Variants in EXOC4 observed in about 807,000 individuals in gnomAD.
EXOC4 encodes the protein exocyst complex component 4, also known as SEC8-like 1.
A neutral mutation model predicts 107.2 loss-of-function variants in EXOC4; 71 were observed. That is an observed-to-expected ratio of 0.66 (90% CI 0.55 to 0.81). EXOC4 has a LOEUF of 0.81. Among genes scored for constraint, EXOC4 ranks in the 30% least tolerant of loss-of-function variants. The pLI is 0.00. For synonymous variants in EXOC4, 456 were observed against 441.2 expected (o/e 1.03, Z -0.42); for missense variants, 1,108 against 1,189.6 (o/e 0.93, Z 1.01).
At chr7:133,371,253 T>G (rs1291404072) in intron 6 of EXOC4, among the ~76,000 whole-genome samples, 5 of 152,316 alleles carry the variant, frequency 3.3e-5, no homozygotes, top group African/African-American at 1.2e-4. Flanking sequence ...TGAGGTATAA[T>G]TCACTGCTGC....
intron 5 of EXOC4, among the ~76,000 whole-genome samples, chr7:133,342,604 C>T (rs941518726): frequency 3.3e-5 from 5 of 152,130 alleles, no homozygotes; most frequent in African/African-American, 9.7e-5. Context: ...TTGATTATTC[C>T]CTCAAGTAAG....
intron 7 of EXOC4, among the ~76,000 whole-genome samples, chr7:133,384,107 C>G (rs1367076538): frequency 6.6e-6 from 1 of 152,180 alleles, no homozygotes; most frequent in Non-Finnish European, 1.5e-5. Context: ...CCTCTGGCTT[C>G]TAGTACAGAC....
intron 10 of EXOC4, among the ~76,000 whole-genome samples, chr7:133,809,108 T>G (rs1451124490): frequency 2.6e-5 from 4 of 152,232 alleles, no homozygotes; most frequent in Non-Finnish European, 4.4e-5. Flanking sequence ...GTATCATTCA[T>G]GCTACAGGCT....
At chr7:133,657,686 G>A (rs752550752) in intron 10 of EXOC4, among the ~76,000 whole-genome samples, 1 of 152,142 alleles carries the variant, frequency 6.6e-6, no homozygotes, top group Admixed American at 6.6e-5. Flanking sequence ...GGAGATACAG[G>A]TTCTCTGTGC....
chr7:133,423,569 T>C (rs1797652154), intron 7 of EXOC4, among the ~76,000 whole-genome samples: 1 of 152,176 alleles, frequency 6.6e-6, no homozygotes, highest in South Asian at 2.1e-4. Flanking sequence ...GTGATTAGCT[T>C]ATTATTATTA....
At chr7:133,881,884 A>C (rs1472458271) in intron 11 of EXOC4, among the ~76,000 whole-genome samples, 1 of 152,196 alleles carries the variant, frequency 6.6e-6, no homozygotes, top group Non-Finnish European at 1.5e-5. Flanking sequence ...TTGTATTCTT[A>C]AAGGTTTTCA....
rs190592044 is a variant in EXOC4, at chr7:133,815,222, T to C, written c.1515-2103T>C. ...GGCAAAACTCCATCCCTACTAAAAA[T>C]AGAAAAAAATTAGCTGGGCGTGGTG... On this transcript the variant is annotated intron_variant, in intron 10 of 17. Coordinates refer to ENST00000253861, the MANE Select transcript of EXOC4 (RefSeq NM_021807.4). Among the ~76,000 whole-genome samples, 22 of 151,540 alleles carry C rather than the reference T, an allele frequency of 1.5e-4. No homozygotes were observed. The East Asian group carries it at 3.9e-3, about 27-fold the overall frequency.
chr7:133,516,758 A>ATTTTTTTTTTTATTTTTT (rs1799883388), intron 9 of EXOC4, among the ~76,000 whole-genome samples: 1 of 49,032 alleles, frequency 2.0e-5, no homozygotes, highest in Non-Finnish European at 3.9e-5. Flanking sequence ...CTAGCTGCTC[A>ATTTTTTTTTTTATTTTTT]TTTTTTTTTT....
At chr7:133,719,529 A>G (rs1355989245) in intron 10 of EXOC4, among the ~76,000 whole-genome samples, 1 of 151,758 alleles carries the variant, frequency 6.6e-6, no homozygotes, top group Non-Finnish European at 1.5e-5. Flanking sequence ...CTAGTCTGCC[A>G]TCAGCCTTCA....
intron 10 of EXOC4, among the ~76,000 whole-genome samples, chr7:133,641,823 A>G (rs961201803): frequency 2.0e-5 from 3 of 152,238 alleles, no homozygotes; most frequent in Non-Finnish European, 4.4e-5. Context: ...ATTCTTTAGC[A>G]TGAAATTAGA....
chr7:133,544,046 G>T (rs974978812), intron 9 of EXOC4, among the ~76,000 whole-genome samples: 1 of 152,058 alleles, frequency 6.6e-6, no homozygotes, highest in South Asian at 2.1e-4. Flanking sequence ...GCTAAATTTT[G>T]ATTATTATTA....
At chr7:133,572,473 A>G (rs191657850) in intron 9 of EXOC4, among the ~76,000 whole-genome samples, 15 of 152,326 alleles carry the variant, frequency 9.8e-5, no homozygotes, top group African/African-American at 3.6e-4. Flanking sequence ...TAAATCAAGA[A>G]TAATAAATAT....
intron 3 of EXOC4, among the ~76,000 whole-genome samples, chr7:133,291,764 C>T (rs368564968): frequency 2.6e-5 from 4 of 152,092 alleles, no homozygotes; most frequent in South Asian, 2.1e-4. Flanking sequence ...TTCTTTAACC[C>T]GTCGAAAGTC....
chr7:133,721,493 G>C (rs938860627), intron 10 of EXOC4, among the ~76,000 whole-genome samples: 2 of 152,168 alleles, frequency 1.3e-5, no homozygotes, highest in Non-Finnish European at 2.9e-5. Flanking sequence ...TCAGAGGCCA[G>C]ATTTTATCAC....
intron 12 of EXOC4, among the ~76,000 whole-genome samples, chr7:133,902,580 G>A (rs1310271903): frequency 1.1e-4 from 17 of 152,186 alleles, no homozygotes; most frequent in East Asian, 3.9e-4. Flanking sequence ...AGGGCCGGGC[G>A]CAGTGGCTCA....
intron 9 of EXOC4, among the ~76,000 whole-genome samples, chr7:133,571,966 C>T (rs1048746324): frequency 2.0e-5 from 3 of 152,076 alleles, no homozygotes; most frequent in South Asian, 2.1e-4. Flanking sequence ...TTGGCAACAC[C>T]GGAATTTTAA....
chr7:133,954,168 A>G (rs1800760048), intron 14 of EXOC4, among the ~76,000 whole-genome samples: 1 of 152,266 alleles, frequency 6.6e-6, no homozygotes, highest in African/African-American at 2.4e-5. Context: ...GCAAAAATGA[A>G]CATGAGAAAA....
At chr7:133,488,963 A>G (rs914535435) in intron 9 of EXOC4, among the ~76,000 whole-genome samples, 6 of 149,068 alleles carry the variant, frequency 4.0e-5, no homozygotes, top group African/African-American at 1.5e-4. Context: ...TCTAATATAA[A>G]TCTAATATCT....
At chr7:133,971,400 AGAAAGAG>A (rs1801232499) in intron 14 of EXOC4, among the ~76,000 whole-genome samples, 8 of 129,156 alleles carry the variant, frequency 6.2e-5, no homozygotes, top group Non-Finnish European at 1.3e-4. Flanking sequence ...AGAGAGAGAG[AGAAAGAG>A]AGAGAGAATA....
Sources: allele counts gnomAD v4.1 joint callset (sites outside exome capture counted in the v4.1 genomes callset), GRCh38; gene constraint gnomAD v4.1.1; transcripts MANE v1.5; gene names NCBI Gene and HGNC (gene_info 2026-07-23, HGNC 2026-07-21).